The following ZNF503 variants were observed in gnomAD, a reference collection of about 807,000 sequenced individuals.
ZNF503 encodes the protein zinc finger protein 503.
Under a neutral mutation model 34.4 loss-of-function variants are expected in ZNF503, and 15 were observed. The observed-to-expected ratio is 0.44, with a 90% CI of 0.29 to 0.67. The LOEUF (loss-of-function observed/expected upper bound fraction) is 0.67. ZNF503 is among the 30% of genes least tolerant of loss of function. The pLI is 0.13. For missense variants in ZNF503, 1,007 were observed against 926.8 expected (o/e 1.09, Z -1.12); for synonymous variants, 580 against 456.8 (o/e 1.27, Z -3.44).
At chr10:75,285,265 A>G in the ZNF503 span, among the ~76,000 whole-genome samples, 1 of 152,252 alleles carries the variant, frequency 6.6e-6, no homozygotes, top group South Asian at 2.1e-4. Flanking sequence ...TTACATGTCC[A>G]AAGTCTCACA....
At chr10:75,301,742 G>A in the ZNF503 span, among the ~76,000 whole-genome samples, 1 of 151,848 alleles carries the variant, frequency 6.6e-6, no homozygotes, top group Non-Finnish European at 1.5e-5. Context: ...TAATTCTGGT[G>A]AAATATAGAA....
At chr10:75,401,892 C>CGCCGCCGCT (rs954874600), upstream of ZNF503, 2 of 190,900 alleles carry the variant, frequency 1.0e-5, no homozygotes, top group African/African-American at 4.7e-5. Context: ...GCGCCGCCGC[C>CGCCGCCGCT]GCCGCCGCTG....
chr10:75,385,607 T>C, the ZNF503 span, among the ~76,000 whole-genome samples: 1 of 152,172 alleles, frequency 6.6e-6, no homozygotes, highest in African/African-American at 2.4e-5. Context: ...CACAGCATGG[T>C]GACTGGGTCC....
the ZNF503 span, among the ~76,000 whole-genome samples, chr10:75,352,901 C>T: frequency 1.4e-4 from 21 of 152,194 alleles, no homozygotes; most frequent in Non-Finnish European, 2.6e-4. Flanking sequence ...GCCAGGCCTC[C>T]GCCTCCCCCA....
the ZNF503 span, among the ~76,000 whole-genome samples, chr10:75,347,308 G>T: frequency 1.3e-5 from 2 of 152,006 alleles, no homozygotes; most frequent in Non-Finnish European, 2.9e-5. Context: ...ATGAAGGAGA[G>T]GAAAATGTGA....
chr10:75,332,932 C>A, the ZNF503 span, among the ~76,000 whole-genome samples: 1 of 143,462 alleles, frequency 7.0e-6, no homozygotes. Context: ...ACCTTTCCCG[C>A]CTTTCTATTC....
the ZNF503 span, among the ~76,000 whole-genome samples, chr10:75,345,238 A>C: frequency 1.3e-5 from 2 of 152,208 alleles, no homozygotes; most frequent in Non-Finnish European, 2.9e-5. Context: ...GCAGTCTCCT[A>C]GCAGGACTGA....
chr10:75,380,035 T>C, the ZNF503 span, among the ~76,000 whole-genome samples: 1 of 152,052 alleles, frequency 6.6e-6, no homozygotes, highest in Admixed American at 6.5e-5. Context: ...TAACATGGGT[T>C]AGAATAGAAG....
the ZNF503 span, among the ~76,000 whole-genome samples, chr10:75,362,838 G>A: frequency 6.6e-6 from 1 of 152,086 alleles, no homozygotes; most frequent in Non-Finnish European, 1.5e-5. Flanking sequence ...AGCTTCAGCT[G>A]GGAATCGAGG....
At chr10:75,306,263 T>C in the ZNF503 span, among the ~76,000 whole-genome samples, 88 of 152,352 alleles carry the variant, frequency 5.8e-4, no homozygotes, top group African/African-American at 2.0e-3. Context: ...TATCTCATTG[T>C]GCTTTTGATT....
the ZNF503 span, among the ~76,000 whole-genome samples, chr10:75,348,660 T>C: frequency 2.0e-5 from 3 of 151,818 alleles, no homozygotes; most frequent in African/African-American, 4.8e-5. Flanking sequence ...TACAGGTGCC[T>C]GCCACCACGC....
chr10:75,382,510 T>C, the ZNF503 span: 1 of 724,696 alleles, frequency 1.4e-6, no homozygotes, highest in Non-Finnish European at 2.2e-6. Context: ...CCTCTTCTTT[T>C]TCCTTATCTT....
At chr10:75,388,739 G>A in the ZNF503 span, among the ~76,000 whole-genome samples, 73 of 152,336 alleles carry the variant, frequency 4.8e-4, no homozygotes, top group African/African-American at 1.7e-3. Context: ...TGGGTTGACA[G>A]AAATGTTACT....
the ZNF503 span, among the ~76,000 whole-genome samples, chr10:75,356,255 C>T: frequency 8.5e-5 from 13 of 152,138 alleles, no homozygotes; most frequent in African/African-American, 1.9e-4. Context: ...CTCACTCTGT[C>T]GCCCAGGCTG....
In ZNF503 at chr10:75,401,239, G is replaced by T. The variant is rs1266621889; in HGVS notation, c.181C>A (p.Pro61Thr). 6.2e-7 allele frequency: 1 copy of T among 1,606,582 alleles called. No homozygotes were observed. Among genetic ancestry groups the T allele is most frequent in the Non-Finnish European group, 8.5e-7 (1 of 1,176,540 alleles). Reference sequence around the variant, plus strand: ...GCCTGGCGCAGGGGGTCAGAGGGGGGCACGGCGTGCACAAAAGGCTTGGTG... The same window carrying T: ...GCCTGGCGCAGGGGGTCAGAGGGGGTCACGGCGTGCACAAAAGGCTTGGTG... Reference protein sequence around the residue: ...GSTKPFVHAVPPSDPLRQANR... With the variant: ...GSTKPFVHAVTPSDPLRQANR... Residue 61 changes from proline (P) to threonine (T), a missense_variant, in exon 1 of 2, where the codon CCC becomes ACC. By Grantham distance (38) the Pro-to-Thr change is conservative (BLOSUM62 -1). Transcript: ENST00000372524.
At chr10:75,390,479 C>T in the ZNF503 span, among the ~76,000 whole-genome samples, 4 of 151,456 alleles carry the variant, frequency 2.6e-5, no homozygotes, top group Non-Finnish European at 5.9e-5. Flanking sequence ...TCCTCTTCCT[C>T]CTCAGGGCCA....
the ZNF503 span, among the ~76,000 whole-genome samples, chr10:75,304,132 T>C: frequency 6.6e-6 from 1 of 152,188 alleles, no homozygotes; most frequent in African/African-American, 2.4e-5. Context: ...CCACGCCTTT[T>C]GGCCAAAGCA....
At chr10:75,310,066 A>G in the ZNF503 span, among the ~76,000 whole-genome samples, 2 of 152,202 alleles carry the variant, frequency 1.3e-5, no homozygotes, top group Non-Finnish European at 2.9e-5. Flanking sequence ...TGAATTCTGA[A>G]ATTTATGAAT....
chr10:75,336,757 A>G, the ZNF503 span, among the ~76,000 whole-genome samples: 3 of 152,188 alleles, frequency 2.0e-5, no homozygotes, highest in Non-Finnish European at 4.4e-5. Flanking sequence ...GGTTGTTGGC[A>G]GATTCAGTTC....
Sources: gnomAD v4.1 joint callset for allele counts (sites outside exome capture counted in the v4.1 genomes callset) on GRCh38, gnomAD v4.1.1 for gene constraint, MANE v1.5 for transcripts, NCBI Gene and HGNC (gene_info 2026-07-23, HGNC 2026-07-21) for gene names.